MAGI3: variants seen among roughly 807,000 people sequenced by gnomAD.
MAGI3 encodes membrane associated guanylate kinase, WW and PDZ domain containing 3.
Under a neutral mutation model 121.8 loss-of-function variants are expected in MAGI3, and 43 were observed. The observed-to-expected ratio is 0.35, with a 90% CI of 0.28 to 0.46. MAGI3 has a LOEUF of 0.46. Ranked by LOEUF, MAGI3 falls within the 20% of genes least tolerant of loss-of-function variation. The probability of loss-of-function intolerance (pLI) is 1.00; values close to 1 mark genes in which losing one functional copy is unlikely to be tolerated. For synonymous variants in MAGI3, 553 were observed against 639.3 expected (o/e 0.86, Z 2.04); for missense variants, 1,547 against 1,797.3 (o/e 0.86, Z 2.52).
At chr1:113,640,697 C>T (rs1172195649) in intron 9 of MAGI3, among the ~76,000 whole-genome samples, 1 of 151,176 alleles carries the variant, frequency 6.6e-6, no homozygotes, top group Admixed American at 6.7e-5. Flanking sequence ...GACACAGGGC[C>T]GTGAACAACA....
intron 9 of MAGI3, among the ~76,000 whole-genome samples, chr1:113,630,523 C>T (rs1053739682): frequency 2.6e-5 from 4 of 152,140 alleles, no homozygotes; most frequent in Middle Eastern, 3.2e-3. Flanking sequence ...TCTCAAGCAG[C>T]AGTCTTTCAC....
At chr1:113,466,980 A>T (rs1655320002) in intron 1 of MAGI3, among the ~76,000 whole-genome samples, 1 of 151,802 alleles carries the variant, frequency 6.6e-6, no homozygotes, top group Non-Finnish European at 1.5e-5. Context: ...TCCTTATAGT[A>T]ATTTTGGGTT....
chr1:113,682,684 G>A (rs4838997), intron 20 of MAGI3: 737,554 of 975,622 alleles, frequency 0.76, 280,245 homozygotes, highest in African/African-American at 0.86. Flanking sequence ...ATATTATTTT[G>A]TGTATATAAA....
chr1:113,643,720 C>T, intron 10 of MAGI3, 23 bp from the exon 11 acceptor site: 4 of 1,612,408 alleles, frequency 2.5e-6, no homozygotes, highest in Middle Eastern at 1.6e-4. Flanking sequence ...TGGTTTTAAA[C>T]TTTGGTTCAT....
chr1:113,416,409 A>ATTATTAATAATATATAT lies in MAGI3; in HGVS notation c.316+25061_316+25062insTATTAATAATATATATT, dbSNP rs1262627664. On this transcript the variant is annotated intron_variant, in intron 1 of 20. Transcript: ENST00000307546. ...ATATATATTAATTATTAATTAATTA[A>ATTATTAATAATATATAT]TAATTAATAATTAATAATATATATT... is the stretch of plus-strand genomic sequence containing the variant. 2.3e-4 allele frequency among the ~76,000 whole-genome samples: 22 copies of ATTATTAATAATATATAT among 96,020 alleles called. 2 individuals carry two copies. Among genetic ancestry groups the ATTATTAATAATATATAT allele is most frequent in the Admixed American group, 4.3e-4 (3 of 7,040 alleles). 63.0% of individuals were successfully genotyped at this position (96,020 alleles called of 152,430 possible).
chr1:113,513,460 A>G lies in MAGI3; in HGVS notation c.317-36055A>G, dbSNP rs1557796580. 3.3e-5 allele frequency among the ~76,000 whole-genome samples: 5 copies of G among 152,220 alleles called. No individual in the cohort carries two copies. In the South Asian group the frequency reaches 1.0e-3, roughly 32 times the overall value. Reference sequence around the variant, plus strand: ...ATCAATGGAACAGAACAGAGCCCTCAGAAATAATGCCACCTATCTACAACT... The same window carrying G: ...ATCAATGGAACAGAACAGAGCCCTCGGAAATAATGCCACCTATCTACAACT... On this transcript the variant is annotated intron_variant, in intron 1 of 20. Coordinates refer to ENST00000307546, the MANE Select transcript of MAGI3 (RefSeq NM_001142782.2).
At chr1:113,650,744 G>T (rs962801254) in intron 13 of MAGI3, among the ~76,000 whole-genome samples, 1 of 152,132 alleles carries the variant, frequency 6.6e-6, no homozygotes, top group African/African-American at 2.4e-5. Context: ...TAATGGTTGT[G>T]CTTTTTGAGT....
chr1:113,455,490 G>A (rs1455566212), intron 1 of MAGI3, among the ~76,000 whole-genome samples: 2 of 152,024 alleles, frequency 1.3e-5, no homozygotes, highest in Non-Finnish European at 2.9e-5. Context: ...GATCTGACCT[G>A]TTTCTTGCCA....
In MAGI3 at chr1:113,651,057, A is replaced by G. The variant is rs760859739; in HGVS notation, c.2291A>G (p.Asp764Gly). 6.8e-6 allele frequency: 11 copies of G among 1,614,028 alleles called. No individual in the cohort carries two copies. The highest frequency in any genetic ancestry group is 1.3e-5 in the African/African-American group (1 of 74,924). The change falls in exon 14 of 21, where the codon GAT becomes GGT. Residue 764 changes from aspartate to glycine, a missense_variant. Asp to Gly is a moderately conservative substitution (Grantham distance 94). Coordinates refer to ENST00000307546, the MANE Select transcript of MAGI3 (RefSeq NM_001142782.2). ...AIIPLGAAEK[D>G]GRLRAADELM... ...ATTCCCCTGGGAGCAGCTGAGAAAG[A>G]TGGTCGGCTCCGCGCAGCTGATGAA...
At chr1:113,411,995 G>A (rs183869637) in intron 1 of MAGI3, among the ~76,000 whole-genome samples, 1 of 151,696 alleles carries the variant, frequency 6.6e-6, no homozygotes, top group Non-Finnish European at 1.5e-5. Context: ...TTTACATTAG[G>A]TATTTCTCCT....
chr1:113,478,009 T>G (rs1274865028), intron 1 of MAGI3, among the ~76,000 whole-genome samples: 1 of 152,248 alleles, frequency 6.6e-6, no homozygotes, highest in African/African-American at 2.4e-5. Flanking sequence ...TTTATTCCAC[T>G]TGATTGAATT....
At chr1:113,432,919 A>G (rs1413754532) in intron 1 of MAGI3, among the ~76,000 whole-genome samples, 1 of 152,122 alleles carries the variant, frequency 6.6e-6, no homozygotes, top group East Asian at 1.9e-4. Flanking sequence ...ACGGTGCCTC[A>G]TGCCTGTAAT....
At chr1:113,621,593 C>T (rs1430629508) in intron 8 of MAGI3, among the ~76,000 whole-genome samples, 2 of 151,984 alleles carry the variant, frequency 1.3e-5, no homozygotes, top group African/African-American at 4.8e-5. Context: ...GTGTTCATAT[C>T]AACATTATTC....
intron 1 of MAGI3, among the ~76,000 whole-genome samples, chr1:113,444,003 A>T (rs1654044082): frequency 6.6e-6 from 1 of 152,250 alleles, no homozygotes; most frequent in Non-Finnish European, 1.5e-5. Context: ...CTGCACTGGC[A>T]GAATCTGTCT....
At chr1:113,456,272 T>C (rs1458627082) in intron 1 of MAGI3, among the ~76,000 whole-genome samples, 1 of 152,038 alleles carries the variant, frequency 6.6e-6, no homozygotes, top group Non-Finnish European at 1.5e-5. Context: ...GCCCCATTTT[T>C]TCTTTAATAG....
intron 19 of MAGI3, among the ~76,000 whole-genome samples, chr1:113,676,015 C>A (rs1348442667): frequency 1.3e-5 from 2 of 151,550 alleles, no homozygotes; most frequent in Non-Finnish European, 2.9e-5. Context: ...CCTTTCCCCT[C>A]CCCTCCCCTC....
intron 1 of MAGI3, among the ~76,000 whole-genome samples, chr1:113,529,066 A>G (rs1476712936): frequency 6.6e-6 from 1 of 152,218 alleles, no homozygotes; most frequent in Non-Finnish European, 1.5e-5. Flanking sequence ...TTGTTGGTTC[A>G]GAAGTCACAC....
Position 113,683,540 on chromosome 1 carries a change from T to C in MAGI3, c.3972T>C (p.Ala1324=). The change falls in exon 21 of 21, where the codon GCT becomes GCC. Residue 1324 remains alanine (A), a synonymous_variant. Transcript: ENST00000307546. ...RRIAGYTGSN[A]EQIPDGKEKS... is the part of the protein sequence containing the mutation. ...TAGCAGGCTATACGGGCAGTAATGC[T>C]GAGCAGATCCCAGATGGGAAGGAAA... The C allele has an allele frequency of 1.2e-6, 2 of 1,613,900 alleles. No homozygotes were observed. Among genetic ancestry groups the C allele is most frequent in the Non-Finnish European group, 8.5e-7 (1 of 1,179,874 alleles).
chr1:113,578,090 A>C (rs187586482), intron 2 of MAGI3, among the ~76,000 whole-genome samples: 111 of 152,244 alleles, frequency 7.3e-4, no homozygotes, highest in African/African-American at 2.5e-3. Flanking sequence ...CTGGAGCTGG[A>C]GGGGCTAAGA....
Sources: allele counts gnomAD v4.1 joint callset (sites outside exome capture counted in the v4.1 genomes callset), GRCh38; gene constraint gnomAD v4.1.1; transcripts MANE v1.5; gene names NCBI Gene and HGNC (gene_info 2026-07-23, HGNC 2026-07-21).